FYB1: variants seen among roughly 807,000 people sequenced by gnomAD.
FYB1 encodes the protein FYN-binding protein 1.
A neutral mutation model predicts 94.1 loss-of-function variants in FYB1; 41 were observed. The observed-to-expected ratio is 0.44, with a 90% confidence interval of 0.34 to 0.57. The LOEUF is 0.57. Ranked by LOEUF, FYB1 falls within the 20% of genes least tolerant of loss-of-function variation. FYB1 has a pLI of 0.02. For missense variants in FYB1, 1,050 were observed against 976.8 expected (o/e 1.07, Z -1.00); for synonymous variants, 367 against 353.2 (o/e 1.04, Z -0.44).
chr5:39,134,496 C>A (rs1013904464), intron 8 of FYB1, 147 bp from the exon 9 acceptor site: 5 of 701,380 alleles, frequency 7.1e-6, no homozygotes, highest in Admixed American at 5.9e-5. Flanking sequence ...CCCAAGTAGA[C>A]CCAAATTTTA....
chr5:39,239,012 G>C (rs1424053785), intron 1 of FYB1, among the ~76,000 whole-genome samples: 1 of 152,022 alleles, frequency 6.6e-6, no homozygotes, highest in Non-Finnish European at 1.5e-5. Context: ...TTCAACATAT[G>C]CAAATCAGTA....
At chr5:39,257,934 G>A (rs2111573365) in intron 1 of FYB1, among the ~76,000 whole-genome samples, 1 of 152,314 alleles carries the variant, frequency 6.6e-6, no homozygotes, top group East Asian at 1.9e-4. Context: ...GAGGACCACT[G>A]ATCCAAAGCG....
At chr5:39,143,084 G>A (rs1337056517) in intron 3 of FYB1, among the ~76,000 whole-genome samples, 1 of 152,176 alleles carries the variant, frequency 6.6e-6, no homozygotes, top group African/African-American at 2.4e-5. Context: ...TACCTCCATA[G>A]CTTTATATAT....
chr5:39,146,440 T>C (rs1001400824), intron 3 of FYB1, among the ~76,000 whole-genome samples: 3 of 152,224 alleles, frequency 2.0e-5, no homozygotes, highest in Admixed American at 2.0e-4. Context: ...CTAGTTAATT[T>C]ATTATTATGA....
chr5:39,234,790 A>G (rs189759235), intron 1 of FYB1, among the ~76,000 whole-genome samples: 1 of 151,912 alleles, frequency 6.6e-6, no homozygotes, highest in East Asian at 1.9e-4. Context: ...AGTAACAGGA[A>G]CAGAAAACCA....
intron 1 of FYB1, among the ~76,000 whole-genome samples, chr5:39,217,743 C>T (rs1749980380): frequency 6.6e-6 from 1 of 152,180 alleles, no homozygotes; most frequent in Admixed American, 6.5e-5. Flanking sequence ...CCAAACCCGC[C>T]AGCGAGCCAC....
intron 1 of FYB1, among the ~76,000 whole-genome samples, chr5:39,226,690 G>A (rs958454814): frequency 1.3e-5 from 2 of 152,166 alleles, no homozygotes; most frequent in African/African-American, 2.4e-5. Context: ...TTATTTTCAT[G>A]GGTGTGTTTA....
intron 1 of FYB1, among the ~76,000 whole-genome samples, chr5:39,215,121 A>C (rs767604622): frequency 9.9e-5 from 15 of 152,230 alleles, no homozygotes; most frequent in Non-Finnish European, 7.3e-5. Context: ...ATGTTTGCGC[A>C]ACAATGCGAA....
intron 1 of FYB1, among the ~76,000 whole-genome samples, chr5:39,207,605 G>C (rs537179251): frequency 6.6e-6 from 1 of 152,114 alleles, no homozygotes; most frequent in East Asian, 1.9e-4. Flanking sequence ...AAAGAAAATC[G>C]TCCCTTTTGT....
At chr5:39,206,090 T>C (rs260326) in intron 1 of FYB1, among the ~76,000 whole-genome samples, 125,886 of 152,190 alleles carry the variant, frequency 0.83, 53,592 homozygotes, top group Non-Finnish European at 0.93. Flanking sequence ...CTAGAACTAA[T>C]GTACTCCTGA....
At chr5:39,127,550 C>T (rs369750558) in intron 11 of FYB1, among the ~76,000 whole-genome samples, 191 bp downstream of exon 11, 5 of 151,248 alleles carry the variant, frequency 3.3e-5, no homozygotes, top group Admixed American at 3.3e-4. Context: ...TCCAAACAAT[C>T]AAACACTTCG....
At chr5:39,231,264 T>C (rs116512528) in intron 1 of FYB1, among the ~76,000 whole-genome samples, 1 of 151,520 alleles carries the variant, frequency 6.6e-6, no homozygotes, top group East Asian at 2.0e-4. Context: ...CCCATTTCCA[T>C]CCTCAATTCC....
intron 1 of FYB1, among the ~76,000 whole-genome samples, chr5:39,260,491 T>TA (rs1189690721): frequency 6.6e-6 from 1 of 152,110 alleles, no homozygotes; most frequent in East Asian, 1.9e-4. Flanking sequence ...GCAGGATAAG[T>TA]AAAAATAAAT....
intron 1 of FYB1, among the ~76,000 whole-genome samples, chr5:39,273,988 G>A (rs539521564): frequency 3.3e-5 from 5 of 151,520 alleles, no homozygotes; most frequent in African/African-American, 7.3e-5. Flanking sequence ...ACAGTGGCAC[G>A]ATCTCAGCTC....
intron 14 of FYB1, 49 bp downstream of exon 14, chr5:39,122,287 G>A: frequency 8.2e-7 from 1 of 1,222,578 alleles, no homozygotes; most frequent in Non-Finnish European, 1.2e-6. Context: ...GAATTTTCTT[G>A]AGTATTCTCA....
chr5:39,203,495 AT>A (rs201203751), intron 1 of FYB1, among the ~76,000 whole-genome samples: 3 of 150,774 alleles, frequency 2.0e-5, no homozygotes, highest in East Asian at 1.9e-4. Flanking sequence ...TTGCAAGAGT[AT>A]TTTTTTTTGC....
At chr5:39,230,844 TAC>T (rs10641788) in intron 1 of FYB1, among the ~76,000 whole-genome samples, 14,783 of 143,476 alleles carry the variant, frequency 0.1, 734 homozygotes, top group African/African-American at 0.13. Flanking sequence ...TGTCTCAGTA[TAC>T]ACACACACAC....
chr5:39,191,401 T>A, intron 2 of FYB1, among the ~76,000 whole-genome samples: 1 of 152,168 alleles, frequency 6.6e-6, no homozygotes, highest in Non-Finnish European at 1.5e-5. Context: ...ATGTGGACTG[T>A]TATAATAAAT....
intron 1 of FYB1, among the ~76,000 whole-genome samples, chr5:39,257,570 C>T (rs1751992786): frequency 6.6e-6 from 1 of 151,968 alleles, no homozygotes; most frequent in Non-Finnish European, 1.5e-5. Context: ...TGACTTATCG[C>T]TTTTTACATA....
Sources: allele counts gnomAD v4.1 joint callset (sites outside exome capture counted in the v4.1 genomes callset), GRCh38; gene constraint gnomAD v4.1.1; transcripts MANE v1.5; gene names NCBI Gene and HGNC (gene_info 2026-07-23, HGNC 2026-07-21).